PTPRN2: variants seen among roughly 807,000 people sequenced by gnomAD.
PTPRN2 encodes the protein protein tyrosine phosphatase receptor type N2.
In PTPRN2, 74 loss-of-function variants were observed where a neutral mutation model predicts 118.8. The ratio of observed to expected loss-of-function variants is 0.62; its 90% CI spans 0.52 to 0.76. PTPRN2 has a LOEUF of 0.76. Ranked by LOEUF, PTPRN2 falls within the 30% of genes least tolerant of loss-of-function variation. The pLI, the probability that PTPRN2 is intolerant of heterozygous loss-of-function variation, is 0.00. For synonymous variants in PTPRN2, 641 were observed against 608.0 expected, an observed-to-expected ratio of 1.05 and a Z score of -0.80; for missense variants, 1,481 against 1,394.4, an observed-to-expected ratio of 1.06 and a Z score of -0.99.
chr7:157,674,643 T>C lies in PTPRN2; in HGVS notation c.2001+8082A>G, dbSNP rs892281975. On this transcript the variant is annotated intron_variant, in intron 13 of 22. Transcript: ENST00000389418. The surrounding 1 kb of genome is among the most constrained non-coding windows in gnomAD (Gnocchi z 4.5). ...CCATTCACCACAGAGGCGCATTCTCTCTCGTGCCCATCAAGGCAGAGGCTG... is the reference window on the plus strand; with the variant it reads ...CCATTCACCACAGAGGCGCATTCTCCCTCGTGCCCATCAAGGCAGAGGCTG... 3.3e-5 allele frequency among the ~76,000 whole-genome samples: 5 copies of C among 152,186 alleles called. No homozygotes were observed. The highest frequency in any genetic ancestry group is 1.2e-4 in the African/African-American group (5 of 41,444).
intron 11 of PTPRN2, among the ~76,000 whole-genome samples, chr7:158,047,508 T>C (rs1418749788): frequency 1.3e-5 from 2 of 152,150 alleles, no homozygotes; most frequent in Non-Finnish European, 2.9e-5. Context: ...TCACTGAGCA[T>C]GTGAGGGCTG....
chr7:157,940,733 TG>T (rs375512018), intron 11 of PTPRN2, among the ~76,000 whole-genome samples: 5,843 of 48,742 alleles, frequency 0.12, 1,777 homozygotes, highest in African/African-American at 0.36. Context: ...TCTAACGCCC[TG>T]CCCCATGACA....
At chr7:158,284,107 G>A (rs527691999) in intron 3 of PTPRN2, among the ~76,000 whole-genome samples, 11 of 152,332 alleles carry the variant, frequency 7.2e-5, no homozygotes, top group African/African-American at 1.9e-4. Flanking sequence ...TCTCTCAAGC[G>A]CGTTTACACA....
chr7:157,851,257 T>C (rs1381843175), intron 12 of PTPRN2, among the ~76,000 whole-genome samples: 3 of 152,270 alleles, frequency 2.0e-5, no homozygotes, highest in Admixed American at 6.5e-5. Context: ...AATCAGCAAA[T>C]GCACTGTTTA....
chr7:158,149,674 C>T (rs1820734508), intron 6 of PTPRN2, among the ~76,000 whole-genome samples: 1 of 152,100 alleles, frequency 6.6e-6, no homozygotes, highest in East Asian at 1.9e-4. Context: ...CGTGGTGGCG[C>T]ATGCCTGTAG....
intron 2 of PTPRN2, among the ~76,000 whole-genome samples, chr7:158,384,122 A>G (rs1001673726): frequency 2.6e-5 from 4 of 152,120 alleles, no homozygotes; most frequent in African/African-American, 9.7e-5. Flanking sequence ...GCGTGCACCA[A>G]CTGTATCACA....
chr7:158,450,715 GTA>G (rs1471125371), intron 2 of PTPRN2, among the ~76,000 whole-genome samples: 1 of 152,210 alleles, frequency 6.6e-6, no homozygotes, highest in African/African-American at 2.4e-5. Context: ...CTGTTCCATT[GTA>G]TGAAAATAAA....
At chr7:157,576,908 A>G in intron 18 of PTPRN2, 129 bp from the exon 19 acceptor site, 1 of 973,436 alleles carries the variant, frequency 1.0e-6, no homozygotes, top group Non-Finnish European at 1.5e-6. Context: ...CACATTTTAC[A>G]GCGCAGGTGG....
Position 158,166,984 on chromosome 7 carries a change from T to G in PTPRN2, c.857A>C (p.Gln286Pro). The G allele has an allele frequency of 6.9e-7, 1 of 1,458,866 alleles. No homozygotes were observed. The highest frequency in any genetic ancestry group is 9.1e-7 in the Non-Finnish European group (1 of 1,100,706). The allele number at this position is 1,458,866 out of a possible 1,614,324, so 90.4% of individuals were successfully genotyped here. A position where few individuals can be genotyped will look rare whatever the true frequency, so the allele number is the denominator to read the frequency against. ...ATCTCCCAGAGGTGAAGGCCACTTC[T>G]GGGGGGCGGCTGGTGCCAGCAAAGG... ...PRPLLAPAAP[Q>P]KWPSPLGDSE... Residue 286 changes from glutamine to proline, a missense_variant, in exon 6 of 23, where the codon CAG becomes CCG. Around this residue, in one of 3 missense-constraint regions of PTPRN2, gnomAD observed 1,115 missense variants for 994.2 expected, o/e 1.12. Coordinates refer to ENST00000389418, the MANE Select transcript of PTPRN2 (RefSeq NM_002847.5).
chr7:158,372,189 A>AC (rs1810056972), intron 2 of PTPRN2, among the ~76,000 whole-genome samples: 2 of 136,994 alleles, frequency 1.5e-5, no homozygotes, highest in South Asian at 2.4e-4. Flanking sequence ...CCAGAGCTGG[A>AC]CCCCCAACGC....
chr7:158,276,204 T>A (rs10233339), intron 3 of PTPRN2, among the ~76,000 whole-genome samples: 1 of 102,784 alleles, frequency 9.7e-6, no homozygotes, highest in Non-Finnish European at 2.2e-5. Context: ...GCTCCTGCCC[T>A]GGCCCCGGCA....
intron 3 of PTPRN2, among the ~76,000 whole-genome samples, chr7:158,217,093 C>T (rs999477839): frequency 7.9e-5 from 12 of 152,116 alleles, no homozygotes. Context: ...GCACTAAATG[C>T]TTACATTAAA....
chr7:157,663,680 C>T (rs910139513), intron 13 of PTPRN2, among the ~76,000 whole-genome samples: 5 of 152,210 alleles, frequency 3.3e-5, no homozygotes, highest in Non-Finnish European at 5.9e-5. Context: ...TTGGGAATCT[C>T]CAGACGTGGG....
intron 11 of PTPRN2, among the ~76,000 whole-genome samples, chr7:158,020,934 A>T (rs1002597212): frequency 1.3e-5 from 2 of 152,160 alleles, no homozygotes; most frequent in African/African-American, 4.8e-5. Context: ...CCCTCTATAG[A>T]GGAGGCTGTT....
At chr7:157,741,564 C>T (rs1800633895) in intron 12 of PTPRN2, among the ~76,000 whole-genome samples, 1 of 152,220 alleles carries the variant, frequency 6.6e-6, no homozygotes, top group Non-Finnish European at 1.5e-5. Context: ...ACGCTCTCTT[C>T]CTCACCTCTC....
In PTPRN2 at chr7:158,022,259, C is replaced by T. The variant is rs116633010; in HGVS notation, c.1723+59039G>A. ...TTTACTTTCCCCATTGCTGACCCTA[C>T]AGCATGATGACTCCGTTTCCTACAC... On this transcript the variant is annotated intron_variant, in intron 11 of 22. Coordinates refer to ENST00000389418, the MANE Select transcript of PTPRN2 (RefSeq NM_002847.5). This position sits in a 1 kb window ranked among gnomAD's most constrained non-coding sequence, Gnocchi z 4.6. 0.06 allele frequency among the ~76,000 whole-genome samples: 9,118 copies of T among 152,304 alleles called. 306 individuals are homozygous for T. The highest frequency in any genetic ancestry group is 0.09 in the Admixed American group (1,380 of 15,306).
chr7:158,070,699 CCTGGTGGCGGAGGTGCCT>C (rs2128916223), intron 11 of PTPRN2, among the ~76,000 whole-genome samples: 1 of 86,624 alleles, frequency 1.2e-5, no homozygotes, highest in Non-Finnish European at 2.2e-5. Context: ...CGGAGGTGCC[CCTGGTGGCGGAGGTGCCT>C]GTGGTGTGGA....
intron 1 of PTPRN2, among the ~76,000 whole-genome samples, chr7:158,571,525 CT>C (rs552051165): frequency 0.031 from 2,198 of 71,792 alleles, 14 homozygotes; most frequent in African/African-American, 0.058. Flanking sequence ...ACACCTATTT[CT>C]TTTTTTTTTT....
rs1266432103 is a variant in PTPRN2, at chr7:158,358,872, C to T, written c.164-41940G>A. 2.0e-5 allele frequency among the ~76,000 whole-genome samples: 3 copies of T among 152,208 alleles called. No individual in the cohort carries two copies. In the East Asian group the frequency reaches 5.8e-4, roughly 29 times the overall value. On this transcript the variant is annotated intron_variant, in intron 2 of 22. Coordinates refer to ENST00000389418, the MANE Select transcript of PTPRN2 (RefSeq NM_002847.5). Reference sequence around the variant, plus strand: ...CAGGTGGATGGTGGTGATGGCTACACAGCAGTGTGAATATCCTTTATACCA... The same window carrying T: ...CAGGTGGATGGTGGTGATGGCTACATAGCAGTGTGAATATCCTTTATACCA...
Sources: gnomAD v4.1 joint callset for allele counts (sites outside exome capture counted in the v4.1 genomes callset) on GRCh38, gnomAD v4.1.1 for gene constraint, gnomAD v4.1.1 regional missense constraint, Gnocchi (gnomAD v3.1) non-coding constraint, MANE v1.5 for transcripts, NCBI Gene and HGNC (gene_info 2026-07-23, HGNC 2026-07-21) for gene names.